The following SYNGR1 variants were observed in gnomAD, a reference collection of about 807,000 sequenced individuals.
SYNGR1 encodes the protein synaptogyrin-1.
SYNGR1 carries 14 observed loss-of-function variants against 26.1 expected under a neutral mutation model. The observed-to-expected ratio is 0.54, with a 90% CI of 0.35 to 0.84. The LOEUF (loss-of-function observed/expected upper bound fraction) is 0.84. Among genes scored for constraint, SYNGR1 ranks in the 40% least tolerant of loss-of-function variants. SYNGR1 has a pLI of 0.01. For synonymous variants in SYNGR1, 141 were observed against 150.1 expected (o/e 0.94, Z 0.44); for missense variants, 319 against 332.9 (o/e 0.96, Z 0.33).
At chr22:39,376,393 G>A (rs1291693543) in intron 3 of SYNGR1, among the ~76,000 whole-genome samples, 196 bp downstream of exon 3, 2 of 152,178 alleles carry the variant, frequency 1.3e-5, no homozygotes, top group African/African-American at 2.4e-5. Context: ...AGCCCTCGGG[G>A]GTAGCATGGT....
rs907635672 is a variant in SYNGR1 at position 39,377,467 on chromosome 22, G to A, written c.483+1270G>A. 5 of 1,529,546 alleles carry A rather than the reference G, an allele frequency of 3.3e-6. No homozygotes were observed. In the African/African-American group the frequency reaches 6.9e-5, roughly 21 times the overall value. The allele number at this position is 1,529,546 out of a possible 1,614,324, so 94.7% of individuals were successfully genotyped here. A position where few individuals can be genotyped will look rare whatever the true frequency, so the allele number is the denominator to read the frequency against. ...TAGGGGCGGGGCTCACAGAGGAGTA[G>A]TGGATGATTTCTAGCCATGGGTCTG... On this transcript the variant is annotated intron_variant, in intron 3 of 3. Transcript: ENST00000328933.
rs571232816 is a variant in SYNGR1, at chr22:39,350,947, TG to T, written c.99+844del. ...AGGCCAGGGTGGCCTCCAGCCTAGC[TG>T]GGGGGCAGGGTCCTCAGTGCAGAGG... On this transcript the variant is annotated intron_variant, in intron 1 of 3. Transcript: ENST00000328933. This position sits in a 1 kb window ranked among gnomAD's most constrained non-coding sequence, Gnocchi z 4.3. Among the ~76,000 whole-genome samples the T allele has an allele frequency of 6.6e-6, 1 of 152,118 alleles. No individual in the cohort carries two copies. The highest frequency in any genetic ancestry group is 1.5e-5 in the Non-Finnish European group (1 of 68,016).
intron 1 of SYNGR1, among the ~76,000 whole-genome samples, chr22:39,358,079 G>A (rs530187753): frequency 6.6e-6 from 1 of 152,162 alleles, no homozygotes; most frequent in African/African-American, 2.4e-5. Context: ...TGGTGGGGAC[G>A]TGGAGAGTCT....
intron 2 of SYNGR1, chr22:39,375,815 C>T (rs1183860765): frequency 1.2e-5 from 8 of 642,416 alleles, no homozygotes; most frequent in Non-Finnish European, 2.0e-5. Context: ...CCTGACCCTG[C>T]CCTGTCTGTG....
chr22:39,366,426 G>T (rs1924763092), intron 1 of SYNGR1, among the ~76,000 whole-genome samples: 1 of 151,862 alleles, frequency 6.6e-6, no homozygotes, highest in African/African-American at 2.4e-5. Context: ...CGGGCGGATT[G>T]CCTGAGGTCA....
intron 1 of SYNGR1, among the ~76,000 whole-genome samples, chr22:39,354,612 G>T (rs891589555): frequency 2.6e-5 from 4 of 152,162 alleles, no homozygotes; most frequent in Non-Finnish European, 4.4e-5. Flanking sequence ...GGCCAAGGCG[G>T]GTGGATCACT....
chr22:39,367,959 C>T (rs1924843728), intron 1 of SYNGR1, among the ~76,000 whole-genome samples: 1 of 152,196 alleles, frequency 6.6e-6, no homozygotes, highest in African/African-American at 2.4e-5. Flanking sequence ...AAAACCTTTT[C>T]CTGCCTTCAG....
chr22:39,365,733 C>T (rs1278622354), intron 1 of SYNGR1, among the ~76,000 whole-genome samples: 16 of 152,254 alleles, frequency 1.1e-4, no homozygotes, highest in African/African-American at 3.6e-4. Context: ...ACTTGTGGAC[C>T]AGCAGGCTGC....
intron 1 of SYNGR1, chr22:39,364,244 G>A: frequency 6.2e-7 from 1 of 1,614,122 alleles, no homozygotes; most frequent in South Asian, 1.1e-5. Context: ...TCATGGATAG[G>A]CAGCTGGACA....
At chr22:39,356,593 AGAGGAGGAGAAGCCAG>A in intron 1 of SYNGR1, among the ~76,000 whole-genome samples, 1 of 152,126 alleles carries the variant, frequency 6.6e-6, no homozygotes, top group African/African-American at 2.4e-5. Flanking sequence ...GGAAGGGAAG[AGAGGAGGAGAAGCCAG>A]GAGGAGGAGG....
At chr22:39,375,902 A>G (rs569908603) in intron 2 of SYNGR1, 150 bp from the exon 3 acceptor site, 8 of 1,020,390 alleles carry the variant, frequency 7.8e-6, no homozygotes, top group Admixed American at 5.2e-5. Context: ...CTCTTCCCCT[A>G]CCCCCTTTGC....
In SYNGR1 at chr22:39,350,737, G is replaced by A. The variant is rs1160314447; in HGVS notation, c.99+628G>A. Reference sequence around the variant, plus strand: ...CTCGAGAAATGAGGACTTCAATTCCGAGGTGGGGAGTGTCATCTCCTCTCT... The same window carrying A: ...CTCGAGAAATGAGGACTTCAATTCCAAGGTGGGGAGTGTCATCTCCTCTCT... On this transcript the variant is annotated intron_variant, in intron 1 of 3. Coordinates refer to ENST00000328933, the MANE Select transcript of SYNGR1 (RefSeq NM_004711.5). The surrounding 1 kb of genome is among the most constrained non-coding windows in gnomAD (Gnocchi z 4.3). 6.6e-6 allele frequency among the ~76,000 whole-genome samples: 1 copy of A among 152,220 alleles called. No individual in the cohort carries two copies. The highest frequency in any genetic ancestry group is 1.5e-5 in the Non-Finnish European group (1 of 68,042).
chr22:39,368,244 G>C (rs562554918), intron 1 of SYNGR1, among the ~76,000 whole-genome samples: 1 of 152,140 alleles, frequency 6.6e-6, no homozygotes, highest in African/African-American at 2.4e-5. Flanking sequence ...CCTTGGTTTC[G>C]GTGCTATTGT....
At chr22:39,377,290 G>A (rs1925326446) in intron 3 of SYNGR1, 1 of 985,322 alleles carries the variant, frequency 1.0e-6, no homozygotes. Flanking sequence ...TGGAGGGGGA[G>A]ACCCGTGGTT....
chr22:39,375,962 C>G lies in SYNGR1; in HGVS notation c.338-90C>G, dbSNP rs766963733. The G allele has an allele frequency of 5.8e-6, 9 of 1,558,300 alleles. No individual in the cohort carries two copies. In the East Asian group the frequency reaches 1.1e-4, roughly 19 times the overall value. Reference sequence around the variant, plus strand: ...ATGGGAGATGCACTCTTGAATGTCCCTCTGTTCCTCGGCTTCCCCATTTTC... The same window carrying G: ...ATGGGAGATGCACTCTTGAATGTCCGTCTGTTCCTCGGCTTCCCCATTTTC... On this transcript the variant is annotated intron_variant, in intron 2 of 3. Transcript: ENST00000328933.
At position 39,364,227 on chromosome 22, in the gene SYNGR1, C is replaced by T. The variant is rs769915273; in HGVS notation, c.100-10089C>T. On this transcript the variant is annotated intron_variant, in intron 1 of 3. Coordinates refer to ENST00000328933, the MANE Select transcript of SYNGR1 (RefSeq NM_004711.5). Reference sequence around the variant, plus strand: ...CCTTAGAGTTTGGGATTCTGGAATTCGATCCTTCATGGATAGGCAGCTGGA... The same window carrying T: ...CCTTAGAGTTTGGGATTCTGGAATTTGATCCTTCATGGATAGGCAGCTGGA... The T allele has an allele frequency of 2.2e-5, 35 of 1,613,752 alleles. No individual in the cohort carries two copies. The East Asian group carries it at 3.6e-4, about 16-fold the overall frequency.
Position 39,350,195 on chromosome 22 carries a change from CG to C in SYNGR1, c.99+87del. ...GGCGCGCCCGGACCGACCCCGACCCCGACCCCAACGGGCCCCCGGCGGCGGC... is the reference window on the plus strand; with the variant it reads ...GGCGCGCCCGGACCGACCCCGACCCCACCCCAACGGGCCCCCGGCGGCGGC... On this transcript the variant is annotated intron_variant, in intron 1 of 3. Transcript: ENST00000328933. The surrounding 1 kb of genome is among the most constrained non-coding windows in gnomAD (Gnocchi z 4.3). The C allele has an allele frequency of 4.0e-5, 39 of 963,630 alleles. No individual in the cohort carries two copies. Among genetic ancestry groups the C allele is most frequent in the Non-Finnish European group, 4.8e-5 (36 of 754,450 alleles). The allele number at this position is 963,630 out of a possible 1,614,324, so 59.7% of individuals were successfully genotyped here.
chr22:39,362,455 C>A (rs1161354700), intron 1 of SYNGR1, among the ~76,000 whole-genome samples: 2 of 152,166 alleles, frequency 1.3e-5, no homozygotes, highest in African/African-American at 4.8e-5. Context: ...CTGCCCCACC[C>A]CCACCTTTTC....
At position 39,357,472 on chromosome 22, in the gene SYNGR1, G is replaced by A. The variant is rs1423672281; in HGVS notation, c.99+7363G>A. Among the ~76,000 whole-genome samples the A allele has an allele frequency of 2.0e-5, 3 of 152,180 alleles. No homozygotes were observed. The East Asian group carries it at 5.8e-4, about 29-fold the overall frequency. On this transcript the variant is annotated intron_variant, in intron 1 of 3. Coordinates refer to ENST00000328933, the MANE Select transcript of SYNGR1 (RefSeq NM_004711.5). ...GCCCTTCAGCCCACCACTGCACTGT[G>A]GGAGCCCCTTTCTGGGCTGGCCAAG... is the stretch of plus-strand genomic sequence containing the variant.
Sources: allele counts gnomAD v4.1 joint callset (sites outside exome capture counted in the v4.1 genomes callset), GRCh38; gene constraint gnomAD v4.1.1; non-coding constraint Gnocchi (gnomAD v3.1); transcripts MANE v1.5; gene names NCBI Gene and HGNC (gene_info 2026-07-23, HGNC 2026-07-21).